The following SLC17A3 variants were observed in gnomAD, a reference collection of about 807,000 sequenced individuals.
SLC17A3 encodes sodium-dependent phosphate transport protein 4.
Under a neutral mutation model 60.3 loss-of-function variants are expected in SLC17A3, and 61 were observed. The observed-to-expected ratio is 1.01, with a 90% CI of 0.82 to 1.25. The LOEUF (loss-of-function observed/expected upper bound fraction) is 1.25. Among genes scored for constraint, SLC17A3 ranks in the 50% most tolerant of loss-of-function variants. The pLI is 0.00. For missense variants in SLC17A3, 624 were observed against 594.9 expected (o/e 1.05, Z -0.51); for synonymous variants, 192 against 208.9 (o/e 0.92, Z 0.70).
At chr6:25,856,914 T>TGGC in intron 5 of SLC17A3, among the ~76,000 whole-genome samples, 1 of 151,100 alleles carries the variant, frequency 6.6e-6, no homozygotes, top group Non-Finnish European at 1.5e-5. Flanking sequence ...CTAGGGGTGG[T>TGGC]GGCTGATGCC....
intron 5 of SLC17A3, among the ~76,000 whole-genome samples, chr6:25,856,351 A>G (rs992181754): frequency 1.3e-5 from 2 of 152,140 alleles, no homozygotes; most frequent in Admixed American, 1.3e-4. Flanking sequence ...ATCCTTCCAC[A>G]TCAACCTCCG....
At chr6:25,867,038 T>C (rs1043921464) in intron 2 of SLC17A3, among the ~76,000 whole-genome samples, 6 of 151,978 alleles carry the variant, frequency 3.9e-5, no homozygotes, top group African/African-American at 1.4e-4. Flanking sequence ...ACCAAACTCT[T>C]GAGCCCTACC....
chr6:25,850,185 G>A lies in SLC17A3; in HGVS notation c.994-8C>T. On this transcript the variant is annotated splice_polypyrimidine_tract_variant and splice_region_variant and intron_variant, in intron 8 of 12. Coordinates refer to ENST00000397060, the MANE Select transcript of SLC17A3 (RefSeq NM_001098486.2). ...GGCAGATAGAAGTCCATTCTAAAGA[G>A]AAAAGATTGAGTAAATTACCATAAT... The A allele has an allele frequency of 1.2e-6, 2 of 1,612,344 alleles. No individual in the cohort carries two copies. Among genetic ancestry groups the A allele is most frequent in the Non-Finnish European group, 1.7e-6 (2 of 1,178,866 alleles).
At chr6:25,866,632 T>C (rs1765540238) in intron 2 of SLC17A3, among the ~76,000 whole-genome samples, 1 of 151,994 alleles carries the variant, frequency 6.6e-6, no homozygotes, top group East Asian at 1.9e-4. Flanking sequence ...TGAATGACTA[T>C]ACAAGAATTT....
chr6:25,853,655 T>A (rs1011785659), intron 6 of SLC17A3, among the ~76,000 whole-genome samples: 2 of 152,050 alleles, frequency 1.3e-5, no homozygotes, highest in Non-Finnish European at 2.9e-5. Flanking sequence ...CCTGACTTCA[T>A]GATCCGCCCA....
chr6:25,862,462 T>C lies in SLC17A3; in HGVS notation c.92-18A>G. ...ACTTGGAACTGGAAATATTATGACA[T>C]CATATTAGTGTTTTTTAAAATTGAG... On this transcript the variant is annotated intron_variant, in intron 2 of 12. Coordinates refer to ENST00000397060, the MANE Select transcript of SLC17A3 (RefSeq NM_001098486.2). 6.3e-7 allele frequency: 1 copy of C among 1,586,182 alleles called. No homozygotes were observed. The highest frequency in any genetic ancestry group is 8.7e-7 in the Non-Finnish European group (1 of 1,154,758).
chr6:25,847,903 ACCTTC>A lies in SLC17A3; in HGVS notation c.1362+1466_1362+1470del, dbSNP rs1765205265. Among the ~76,000 whole-genome samples, 3 of 151,982 alleles carry A rather than the reference ACCTTC, an allele frequency of 2.0e-5. No individual in the cohort carries two copies. The South Asian group carries it at 6.3e-4, about 32-fold the overall frequency. On this transcript the variant is annotated intron_variant, in intron 11 of 12. Transcript: ENST00000397060. ...CTTTTAACCCTTACCCCCTTCCCACACCTTCCCCCTGAGTCCTCAAAGTCCACTGT... is the reference window on the plus strand; with the variant it reads ...CTTTTAACCCTTACCCCCTTCCCACACCCCTGAGTCCTCAAAGTCCACTGT...
chr6:25,860,988 T>A (rs1194009374), intron 5 of SLC17A3, among the ~76,000 whole-genome samples: 2 of 152,218 alleles, frequency 1.3e-5, no homozygotes, highest in Non-Finnish European at 2.9e-5. Context: ...GAAGGGTCCC[T>A]GGCTTCTTGG....
Position 25,845,197 on chromosome 6 carries a change from G to A in SLC17A3, c.*104C>T, listed in dbSNP as rs900151024. The A allele has an allele frequency of 1.9e-6, 1 of 540,086 alleles. No individual in the cohort carries two copies. The highest frequency in any genetic ancestry group is 2.1e-5 in the South Asian group (1 of 46,692). 33.5% of individuals were successfully genotyped at this position (540,086 alleles called of 1,614,324 possible). On this transcript the variant is annotated 3_prime_UTR_variant, in exon 13 of 13. Coordinates refer to ENST00000397060, the MANE Select transcript of SLC17A3 (RefSeq NM_001098486.2). ...TGAACTGATCTCATAATTGAAAAGA[G>A]CCACAGGAAAAAAAAAATCTTTTCA... is the stretch of plus-strand genomic sequence containing the variant.
chr6:25,850,107 T>C lies in SLC17A3; in HGVS notation c.1064A>G (p.Asp355Gly), dbSNP rs751109405. Residue 355 changes from aspartate (D) to glycine (G), a missense_variant, in exon 9 of 13, where the codon GAT becomes GGT. Coordinates refer to ENST00000397060, the MANE Select transcript of SLC17A3 (RefSeq NM_001098486.2). ...VIGMVGGYLA[D>G]FLLTKKFRLI... ...TCTAAACTTTTTGGTTAGAAGGAAA[T>C]CTGCCAGATAGCCTCCCACCATGCC... 1 of 1,613,870 alleles carries C rather than the reference T, an allele frequency of 6.2e-7. No individual in the cohort carries two copies. Among genetic ancestry groups the C allele is most frequent in the Non-Finnish European group, 8.5e-7 (1 of 1,179,840 alleles).
intron 5 of SLC17A3, among the ~76,000 whole-genome samples, chr6:25,856,644 G>A (rs1268627099): frequency 1.3e-5 from 2 of 151,680 alleles, no homozygotes; most frequent in African/African-American, 2.4e-5. Flanking sequence ...TTAGGAGTTC[G>A]AGACCAGCTT....
intron 2 of SLC17A3, among the ~76,000 whole-genome samples, chr6:25,863,023 A>G (rs1253381397): frequency 6.6e-6 from 1 of 152,006 alleles, no homozygotes; most frequent in Non-Finnish European, 1.5e-5. Flanking sequence ...CCATTGGTAT[A>G]GGTCATTTAT....
chr6:25,873,015 T>C lies in SLC17A3; in HGVS notation c.-34+1152A>G, dbSNP rs648433. 9.9e-3 allele frequency among the ~76,000 whole-genome samples: 1,512 copies of C among 152,070 alleles called. 25 individuals are homozygous for C. Among genetic ancestry groups the C allele is most frequent in the African/African-American group, 0.034 (1,426 of 41,516 alleles). On this transcript the variant is annotated intron_variant, in intron 1 of 12. Transcript: ENST00000397060. ...TCACCATGACAGACACCTACTGCCA[T>C]GGTAACCTCAAAACATTTCACTGAC... is the stretch of plus-strand genomic sequence containing the variant.
chr6:25,850,138 C>G lies in SLC17A3; in HGVS notation c.1033G>C (p.Val345Leu). 1.2e-6 allele frequency: 2 copies of G among 1,613,512 alleles called. No individual in the cohort carries two copies. Among genetic ancestry groups the G allele is most frequent in the Non-Finnish European group, 1.7e-6 (2 of 1,179,662 alleles). Residue 345 changes from valine (V) to leucine (L), a missense_variant, in exon 9 of 13, where the codon GTC becomes CTC. By Grantham distance (32) the Val-to-Leu change is conservative. Coordinates refer to ENST00000397060, the MANE Select transcript of SLC17A3 (RefSeq NM_001098486.2). Reference protein sequence around the residue: ...LSALPFIVAWVIGMVGGYLAD... With the variant: ...LSALPFIVAWLIGMVGGYLAD... ...AGATAGCCTCCCACCATGCCTATGA[C>G]CCAGGCAACAATAAAAGGAAGGGCA...
Position 25,869,789 on chromosome 6 carries a change from G to A in SLC17A3, c.-33-1369C>T, listed in dbSNP as rs190505355. On this transcript the variant is annotated intron_variant, in intron 1 of 12. Coordinates refer to ENST00000397060, the MANE Select transcript of SLC17A3 (RefSeq NM_001098486.2). ...CACCTGGCCCCACCTTTGACACTTG[G>A]GTATTATGTGGACCACAATTCAAGA... 3.6e-3 allele frequency among the ~76,000 whole-genome samples: 547 copies of A among 151,928 alleles called. 3 individuals carry two copies. The highest frequency in any genetic ancestry group is 9.1e-3 in the South Asian group (44 of 4,818).
chr6:25,848,174 A>G (rs529024186), intron 11 of SLC17A3, among the ~76,000 whole-genome samples: 159 of 152,254 alleles, frequency 1.0e-3, no homozygotes, highest in African/African-American at 2.9e-3. Context: ...TTGGTTGCAC[A>G]TTTTTGCAAT....
chr6:25,850,139 C>A lies in SLC17A3; in HGVS notation c.1032G>T (p.Trp344Cys). ...GATAGCCTCCCACCATGCCTATGAC[C>A]CAGGCAACAATAAAAGGAAGGGCAG... Reference protein sequence around the residue: ...LLSALPFIVAWVIGMVGGYLA... With the variant: ...LLSALPFIVACVIGMVGGYLA... The change falls in exon 9 of 13, where the codon TGG (tryptophan) becomes TGT (cysteine). Residue 344 changes from tryptophan to cysteine, a missense_variant. By Grantham distance (215) the Trp-to-Cys change is radical. Coordinates refer to ENST00000397060, the MANE Select transcript of SLC17A3 (RefSeq NM_001098486.2). 3 of 1,613,164 alleles carry A rather than the reference C, an allele frequency of 1.9e-6. No homozygotes were observed. The South Asian group carries it at 3.3e-5, about 18-fold the overall frequency.
rs1223549907 is a variant in SLC17A3, at chr6:25,873,155, A to G, written c.-34+1012T>C. Among the ~76,000 whole-genome samples the G allele has an allele frequency of 2.6e-5, 4 of 152,104 alleles. No homozygotes were observed. In the East Asian group the frequency reaches 7.7e-4, roughly 29 times the overall value. On this transcript the variant is annotated intron_variant, in intron 1 of 12. Transcript: ENST00000397060. ...AGGCACCCACAGGTGAGCCAAGAAC[A>G]GGCTCAAGTAGCACAACATAGAAAA...
Position 25,862,278 on chromosome 6 carries a change from G to T in SLC17A3, c.258C>A (p.Asp86Glu). ...GGGCTTTACTTAGGCCACCAAATGA[G>T]TCAACAGGCAGCACCTCAGAGGAAT... ...LNDSSEVLPVDSFGGLSKAPK... is the reference protein window; with the variant it reads ...LNDSSEVLPVESFGGLSKAPK... Residue 86 changes from aspartate to glutamate, a missense_variant, in exon 3 of 13, where the codon GAC (aspartate) becomes GAA (glutamate). Coordinates refer to ENST00000397060, the MANE Select transcript of SLC17A3 (RefSeq NM_001098486.2). The T allele has an allele frequency of 6.2e-7, 1 of 1,613,842 alleles. No individual in the cohort carries two copies. The highest frequency in any genetic ancestry group is 2.2e-5 in the East Asian group (1 of 44,870).
Sources: gnomAD v4.1 joint callset for allele counts (sites outside exome capture counted in the v4.1 genomes callset) on GRCh38, gnomAD v4.1.1 for gene constraint, MANE v1.5 for transcripts, NCBI Gene and HGNC (gene_info 2026-07-23, HGNC 2026-07-21) for gene names.